The following SHISA9 variants were observed in gnomAD, a reference collection of about 807,000 sequenced individuals.
The protein encoded by SHISA9 is protein shisa-9.
SHISA9 carries 13 observed loss-of-function variants against 38.0 expected under a neutral mutation model. The observed-to-expected ratio is 0.34, with a 90% CI of 0.22 to 0.54. SHISA9 has a LOEUF of 0.54. Among genes scored for constraint, SHISA9 ranks in the 20% least tolerant of loss-of-function variants. The pLI is 0.91. For missense variants in SHISA9, 538 were observed against 575.8 expected (o/e 0.93, Z 0.67); for synonymous variants, 275 against 242.0 (o/e 1.14, Z -1.27).
the SHISA9 span, among the ~76,000 whole-genome samples, chr16:13,399,549 C>G: frequency 6.6e-6 from 1 of 152,188 alleles, no homozygotes; most frequent in South Asian, 2.1e-4. Flanking sequence ...CTCATGTTCT[C>G]GTCACCCCTT....
the SHISA9 span, among the ~76,000 whole-genome samples, chr16:13,264,545 C>T: frequency 1.3e-5 from 2 of 152,076 alleles, no homozygotes; most frequent in Non-Finnish European, 2.9e-5. Context: ...GATGAAGCAT[C>T]CGGTGTACAG....
chr16:13,457,559 C>T, the SHISA9 span, among the ~76,000 whole-genome samples: 4 of 151,858 alleles, frequency 2.6e-5, no homozygotes, highest in Non-Finnish European at 4.4e-5. Context: ...TCCCTTTAGG[C>T]TGATTCTTTA....
intron 3 of SHISA9, among the ~76,000 whole-genome samples, chr16:13,211,908 G>T (rs908882820): frequency 2.0e-5 from 3 of 152,186 alleles, no homozygotes; most frequent in African/African-American, 7.2e-5. Flanking sequence ...ATTTCCAGAT[G>T]ACCCTGGCTA....
intron 2 of SHISA9, among the ~76,000 whole-genome samples, chr16:13,039,219 A>T (rs2073106517): frequency 6.6e-6 from 1 of 152,150 alleles, no homozygotes; most frequent in Non-Finnish European, 1.5e-5. Flanking sequence ...AAGAATTTCT[A>T]ATGTTAATCA....
chr16:13,464,604 T>C, the SHISA9 span, among the ~76,000 whole-genome samples: 1 of 152,212 alleles, frequency 6.6e-6, no homozygotes. Context: ...TGCCTCCCTC[T>C]TTCCCAAAAC....
At chr16:13,407,599 CAGT>C in the SHISA9 span, among the ~76,000 whole-genome samples, 3 of 152,078 alleles carry the variant, frequency 2.0e-5, no homozygotes, top group Non-Finnish European at 4.4e-5. Context: ...TCTTTTTTGA[CAGT>C]AGAGTGTTTC....
At chr16:13,482,199 C>T in the SHISA9 span, among the ~76,000 whole-genome samples, 123 of 152,312 alleles carry the variant, frequency 8.1e-4, no homozygotes, top group African/African-American at 2.8e-3. Flanking sequence ...AAATGCAGTC[C>T]GGCTATTTAG....
chr16:13,072,715 C>T (rs749332774), intron 2 of SHISA9, among the ~76,000 whole-genome samples: 1 of 151,108 alleles, frequency 6.6e-6, no homozygotes, highest in African/African-American at 2.4e-5. Flanking sequence ...GGCTGGAGTG[C>T]AGTGGCACGA....
the SHISA9 span, among the ~76,000 whole-genome samples, chr16:13,249,377 C>A: frequency 1.5e-4 from 23 of 152,280 alleles, no homozygotes; most frequent in African/African-American, 5.1e-4. Flanking sequence ...GCCTCCTTGA[C>A]CTAGATTTTC....
the SHISA9 span, among the ~76,000 whole-genome samples, chr16:13,437,410 A>G: frequency 1.3e-5 from 2 of 152,190 alleles, no homozygotes; most frequent in Non-Finnish European, 2.9e-5. Context: ...ACATATTAAT[A>G]TGCCCAACCA....
chr16:13,287,174 C>T, the SHISA9 span, among the ~76,000 whole-genome samples: 2 of 152,118 alleles, frequency 1.3e-5, no homozygotes, highest in Non-Finnish European at 2.9e-5. Context: ...TCTACGCTAT[C>T]ACATAAGAAC....
chr16:13,256,211 G>C, the SHISA9 span, among the ~76,000 whole-genome samples: 1 of 152,106 alleles, frequency 6.6e-6, no homozygotes. Context: ...TCCCAGCCTC[G>C]ATTAGGTGCT....
the SHISA9 span, among the ~76,000 whole-genome samples, chr16:13,479,052 G>C: frequency 6.6e-6 from 1 of 152,150 alleles, no homozygotes; most frequent in Non-Finnish European, 1.5e-5. Context: ...GAAAATAAAG[G>C]TGTCATCATG....
chr16:13,012,703 A>G (rs1225504422), intron 2 of SHISA9, among the ~76,000 whole-genome samples: 2 of 152,220 alleles, frequency 1.3e-5, no homozygotes, highest in African/African-American at 4.8e-5. Context: ...CCACAGCATC[A>G]TAAAGGGCCT....
the SHISA9 span, among the ~76,000 whole-genome samples, chr16:13,275,297 A>G: frequency 6.6e-6 from 1 of 152,186 alleles, no homozygotes; most frequent in East Asian, 1.9e-4. Flanking sequence ...TTGCCTGGAT[A>G]TAGAAATAAA....
chr16:13,095,177 G>A (rs972391581), intron 2 of SHISA9, among the ~76,000 whole-genome samples: 3 of 152,218 alleles, frequency 2.0e-5, no homozygotes, highest in African/African-American at 7.2e-5. Context: ...TGTATTTGGA[G>A]CTTGTTTCTC....
intron 2 of SHISA9, among the ~76,000 whole-genome samples, chr16:13,190,350 T>C (rs1464989681): frequency 6.6e-6 from 1 of 151,896 alleles, no homozygotes; most frequent in Non-Finnish European, 1.5e-5. Context: ...GTCTTTAGAA[T>C]GATGATGGTG....
intron 2 of SHISA9, among the ~76,000 whole-genome samples, chr16:13,111,155 C>T (rs2073974418): frequency 6.6e-6 from 1 of 152,136 alleles, no homozygotes; most frequent in South Asian, 2.1e-4. Context: ...ATGACTAAAA[C>T]ACCAAAAGCA....
chr16:13,371,545 G>A, the SHISA9 span, among the ~76,000 whole-genome samples: 3 of 152,178 alleles, frequency 2.0e-5, no homozygotes, highest in African/African-American at 7.2e-5. Context: ...CTATAGTACA[G>A]TACCTCTTGG....
Sources: gnomAD v4.1 joint callset for allele counts (sites outside exome capture counted in the v4.1 genomes callset) on GRCh38, gnomAD v4.1.1 for gene constraint, MANE v1.5 for transcripts, NCBI Gene and HGNC (gene_info 2026-07-23, HGNC 2026-07-21) for gene names.